Variants in INSC observed in about 807,000 individuals in gnomAD.
The protein encoded by INSC is protein inscuteable homolog.
In INSC, 67 loss-of-function variants were observed where a neutral mutation model predicts 58.6. The ratio of observed to expected loss-of-function variants is 1.14; its 90% CI spans 0.94 to 1.40. The LOEUF is 1.40. Ranked by LOEUF, INSC falls within the 40% of genes most tolerant of loss-of-function variation. The pLI is 0.00. For synonymous variants in INSC, 262 were observed against 276.1 expected (o/e 0.95, Z 0.51); for missense variants, 714 against 692.0 (o/e 1.03, Z -0.36).
intron 12 of INSC, among the ~76,000 whole-genome samples, chr11:15,245,299 GAGCA>G (rs1374428429): frequency 4.6e-5 from 7 of 152,134 alleles, no homozygotes; most frequent in Non-Finnish European, 2.9e-5. Flanking sequence ...GTAAGAGTAT[GAGCA>G]AGGAGGAGGG....
At chr11:15,224,750 G>A (rs1192641968) in intron 8 of INSC, among the ~76,000 whole-genome samples, 7 of 152,238 alleles carry the variant, frequency 4.6e-5, no homozygotes, top group Non-Finnish European at 1.0e-4. Flanking sequence ...CATGGGGGAT[G>A]TGTCAGGTGG....
the INSC span, among the ~76,000 whole-genome samples, chr11:15,262,196 G>A: frequency 2.0e-5 from 3 of 151,982 alleles, no homozygotes; most frequent in Non-Finnish European, 4.4e-5. Flanking sequence ...CCAATAATAA[G>A]ACAGAGATGA....
At chr11:15,249,036 C>T (rs573262913), downstream of INSC, among the ~76,000 whole-genome samples, 34 of 152,058 alleles carry the variant, frequency 2.2e-4, no homozygotes, top group South Asian at 4.4e-3. Flanking sequence ...AGGACTCAGC[C>T]GCTGTGAGTG....
In INSC at chr11:15,175,875, T is replaced by C. The variant is rs1849554043; in HGVS notation, c.191T>C (p.Leu64Pro). 1 of 1,613,992 alleles carries C rather than the reference T, an allele frequency of 6.2e-7. No homozygotes were observed. The highest frequency in any genetic ancestry group is 8.5e-7 in the Non-Finnish European group (1 of 1,179,932). ...LEEDAQGDLILAGGPGPGDPL... is the reference protein window; with the variant it reads ...LEEDAQGDLIPAGGPGPGDPL... ...GAGGATGCACAGGGTGACCTCATCCTGGCAGGTGGCCCTGGCCCTGGAGAC... is the reference window on the plus strand; with the variant it reads ...GAGGATGCACAGGGTGACCTCATCCCGGCAGGTGGCCCTGGCCCTGGAGAC... The change falls in exon 3 of 13, where the codon CTG becomes CCG. Residue 64 changes from leucine to proline, a missense_variant. Transcript: ENST00000379556.
chr11:15,178,236 G>A (rs887848335), intron 4 of INSC, 88 bp from the exon 5 acceptor site: 1 of 1,540,454 alleles, frequency 6.5e-7, no homozygotes, highest in Non-Finnish European at 8.8e-7. Context: ...CACCAGGCTT[G>A]TAGCAGGTCC....
chr11:15,260,173 T>C, the INSC span, among the ~76,000 whole-genome samples: 1 of 151,310 alleles, frequency 6.6e-6, no homozygotes, highest in Non-Finnish European at 1.5e-5. Context: ...CTCTGTTTTT[T>C]GTTTTTTTTG....
At chr11:15,212,220 G>A (rs1362909903) in intron 7 of INSC, among the ~76,000 whole-genome samples, 1 of 152,088 alleles carries the variant, frequency 6.6e-6, no homozygotes, top group Non-Finnish European at 1.5e-5. Flanking sequence ...TCCTGCCTCA[G>A]CCTCCTGAGT....
chr11:15,177,881 C>G (rs924527525), intron 4 of INSC, among the ~76,000 whole-genome samples: 4 of 152,164 alleles, frequency 2.6e-5, no homozygotes, highest in Non-Finnish European at 5.9e-5. Context: ...GCTCTCTGCA[C>G]ACTCTAGGCA....
At chr11:15,142,892 T>C (rs1193358806) in intron 1 of INSC, among the ~76,000 whole-genome samples, 1 of 152,190 alleles carries the variant, frequency 6.6e-6, no homozygotes, top group Non-Finnish European at 1.5e-5. Context: ...ACATGTGCCA[T>C]GTTGGTGTAG....
intron 5 of INSC, among the ~76,000 whole-genome samples, chr11:15,187,141 T>C (rs1327316578): frequency 6.6e-6 from 1 of 152,140 alleles, no homozygotes; most frequent in Admixed American, 6.6e-5. Context: ...CTCACAGTTA[T>C]CAAACTTCTG....
chr11:15,228,472 C>T (rs1792565), intron 9 of INSC, among the ~76,000 whole-genome samples: 1 of 151,994 alleles, frequency 6.6e-6, no homozygotes, highest in African/African-American at 2.4e-5. Flanking sequence ...AGGATGGCTT[C>T]ACCTTCTGTC....
intron 1 of INSC, among the ~76,000 whole-genome samples, chr11:15,134,357 ATATCT>A (rs1166440317): frequency 3.9e-5 from 6 of 152,220 alleles, no homozygotes; most frequent in Non-Finnish European, 4.4e-5. Context: ...TGAAAAAAAG[ATATCT>A]TAGAATGACC....
At chr11:15,140,738 C>G (rs1165636813) in intron 1 of INSC, among the ~76,000 whole-genome samples, 1 of 151,964 alleles carries the variant, frequency 6.6e-6, no homozygotes, top group African/African-American at 2.4e-5. Flanking sequence ...ACCACCATGC[C>G]CCATCTAATT....
At chr11:15,112,630 GT>G, upstream of INSC, 1 of 527,800 alleles carries the variant, frequency 1.9e-6, no homozygotes, top group East Asian at 5.6e-5. Context: ...GTGTGTGTGT[GT>G]GTGTGTATTG....
intron 5 of INSC, among the ~76,000 whole-genome samples, chr11:15,186,288 T>C (rs1050783604): frequency 9.2e-5 from 14 of 152,102 alleles, no homozygotes; most frequent in Non-Finnish European, 1.8e-4. Context: ...CCCAATGTTC[T>C]CTTTCCCTCT....
intron 7 of INSC, among the ~76,000 whole-genome samples, chr11:15,206,626 C>G (rs1850809969): frequency 1.3e-5 from 2 of 152,064 alleles, no homozygotes. Context: ...CTGAGGGTGG[C>G]CTTCCTGGAG....
intron 1 of INSC, among the ~76,000 whole-genome samples, chr11:15,143,784 G>A (rs570345187): frequency 6.6e-6 from 1 of 151,876 alleles, no homozygotes; most frequent in South Asian, 2.1e-4. Context: ...ATGAGGGAAA[G>A]GGATGTATCC....
upstream of INSC, among the ~76,000 whole-genome samples, chr11:15,111,845 A>C (rs1847581641): frequency 6.6e-6 from 1 of 152,174 alleles, no homozygotes; most frequent in Admixed American, 6.5e-5. Context: ...TGTTATTATC[A>C]ATGTCTTGGG....
intron 1 of INSC, among the ~76,000 whole-genome samples, chr11:15,141,848 A>G (rs7107495): frequency 0.022 from 3,287 of 152,138 alleles, 93 homozygotes; most frequent in African/African-American, 0.068. Flanking sequence ...TAGTGCTCTG[A>G]CTGAAAGCTT....
Sources: gnomAD v4.1 joint callset for allele counts (sites outside exome capture counted in the v4.1 genomes callset) on GRCh38, gnomAD v4.1.1 for gene constraint, MANE v1.5 for transcripts, NCBI Gene and HGNC (gene_info 2026-07-23, HGNC 2026-07-21) for gene names.